The following EPB41L2 variants were observed in gnomAD, a reference collection of about 807,000 sequenced individuals.
EPB41L2 encodes erythrocyte membrane protein band 4.1 like 2, also known as band 4.1-like protein 2.
EPB41L2 carries 43 observed loss-of-function variants against 113.0 expected under a neutral mutation model. The observed-to-expected ratio is 0.38, with a 90% CI of 0.30 to 0.49. The LOEUF is 0.49. EPB41L2 is among the 20% of genes least tolerant of loss of function. The pLI, the probability that EPB41L2 is intolerant of heterozygous loss-of-function variation, is 0.95. For missense variants in EPB41L2, 1,147 were observed against 1,223.4 expected (o/e 0.94, Z 0.93); for synonymous variants, 442 against 436.7 (o/e 1.01, Z -0.15).
chr6:130,896,192 G>T (rs1325925448), intron 8 of EPB41L2, among the ~76,000 whole-genome samples: 3 of 152,200 alleles, frequency 2.0e-5, no homozygotes, highest in African/African-American at 4.8e-5. Context: ...TAAAAGTATA[G>T]TATTAGCTAA....
intron 1 of EPB41L2, among the ~76,000 whole-genome samples, chr6:131,028,208 G>T (rs1050187302): frequency 2.0e-5 from 3 of 152,256 alleles, no homozygotes; most frequent in Non-Finnish European, 4.4e-5. Context: ...TTCTGGAGTG[G>T]ACAAAATGAT....
intron 4 of EPB41L2, among the ~76,000 whole-genome samples, chr6:130,909,885 A>G (rs899425786): frequency 1.3e-5 from 2 of 152,366 alleles, no homozygotes; most frequent in East Asian, 3.9e-4. Flanking sequence ...GAGAGGACAC[A>G]AACAAATGGA....
rs141507459 is a variant in EPB41L2, at chr6:131,014,397, T to C, written c.-15+48758A>G. 6.4e-3 allele frequency among the ~76,000 whole-genome samples: 982 copies of C among 152,256 alleles called. 16 individuals carry two copies. Among genetic ancestry groups the C allele is most frequent in the African/African-American group, 0.023 (949 of 41,536 alleles). ...GAATCCCTTTGTATCCCATTTGGCT[T>C]AAAATTTCACAGACTGGTCATTTAT... On this transcript the variant is annotated intron_variant, in intron 1 of 19. Coordinates refer to ENST00000337057, the MANE Select transcript of EPB41L2 (RefSeq NM_001431.4).
At chr6:130,860,819 C>G (rs539337200) in intron 18 of EPB41L2, among the ~76,000 whole-genome samples, 128 of 152,232 alleles carry the variant, frequency 8.4e-4, no homozygotes, top group African/African-American at 2.8e-3. Context: ...CAGGCTTGAG[C>G]CACCGCGCCC....
At chr6:130,975,442 C>T (rs1026044420) in intron 1 of EPB41L2, among the ~76,000 whole-genome samples, 1 of 152,150 alleles carries the variant, frequency 6.6e-6, no homozygotes, top group African/African-American at 2.4e-5. Flanking sequence ...ATCCTACCTC[C>T]TACTTTATGA....
intron 11 of EPB41L2, among the ~76,000 whole-genome samples, chr6:130,889,162 GTAT>G (rs1393215560): frequency 2.0e-5 from 3 of 151,540 alleles, no homozygotes; most frequent in Admixed American, 6.6e-5. Flanking sequence ...TTCAAATTTA[GTAT>G]TATTATTATA....
chr6:130,988,329 A>G (rs1399557901), intron 1 of EPB41L2, among the ~76,000 whole-genome samples: 3 of 152,242 alleles, frequency 2.0e-5, no homozygotes, highest in African/African-American at 7.2e-5. Flanking sequence ...CTGAGTTTGA[A>G]GTGATGTAAC....
intron 1 of EPB41L2, among the ~76,000 whole-genome samples, chr6:131,035,481 T>C (rs1183213421): frequency 6.6e-6 from 1 of 152,196 alleles, no homozygotes; most frequent in Non-Finnish European, 1.5e-5. Context: ...CACCTTTACC[T>C]TCAAGATGCA....
At chr6:131,046,822 G>C (rs776563403) in intron 1 of EPB41L2, among the ~76,000 whole-genome samples, 4 of 152,166 alleles carry the variant, frequency 2.6e-5, no homozygotes, top group Non-Finnish European at 5.9e-5. Context: ...AATCTCATCA[G>C]TGCTTTCTAG....
At chr6:130,999,411 T>C (rs1783851068) in intron 1 of EPB41L2, among the ~76,000 whole-genome samples, 1 of 152,242 alleles carries the variant, frequency 6.6e-6, no homozygotes, top group African/African-American at 2.4e-5. Context: ...CATTATAATC[T>C]TACTTTTCTA....
chr6:130,939,196 T>C (rs9388869), intron 3 of EPB41L2, among the ~76,000 whole-genome samples: 64,546 of 151,794 alleles, frequency 0.43, 16,224 homozygotes, highest in Non-Finnish European at 0.54. Context: ...ATATAATAAA[T>C]AGTGACCCAA....
At chr6:130,886,665 G>A (rs908545827) in intron 11 of EPB41L2, among the ~76,000 whole-genome samples, 5 of 151,946 alleles carry the variant, frequency 3.3e-5, no homozygotes, top group Admixed American at 1.3e-4. Flanking sequence ...ACACAGTCTC[G>A]CTCTGTCACC....
chr6:131,048,017 T>C (rs2128192337), intron 1 of EPB41L2, among the ~76,000 whole-genome samples: 1 of 149,252 alleles, frequency 6.7e-6, no homozygotes, highest in South Asian at 2.1e-4. Flanking sequence ...CGGGTACATG[T>C]AATCCCAGCT....
chr6:130,906,074 T>C (rs147939679), intron 5 of EPB41L2, among the ~76,000 whole-genome samples: 13 of 152,326 alleles, frequency 8.5e-5, no homozygotes, highest in African/African-American at 3.1e-4. Flanking sequence ...TATAGCGCCA[T>C]GATGACTGTC....
intron 4 of EPB41L2, among the ~76,000 whole-genome samples, chr6:130,912,240 A>C (rs1799639504): frequency 6.6e-6 from 1 of 152,214 alleles, no homozygotes; most frequent in Non-Finnish European, 1.5e-5. Flanking sequence ...GGACCACTGT[A>C]TTACAACATC....
chr6:131,014,730 C>A (rs915318563), intron 1 of EPB41L2, among the ~76,000 whole-genome samples: 1 of 152,116 alleles, frequency 6.6e-6, no homozygotes, highest in African/African-American at 2.4e-5. Flanking sequence ...AAAGGAACCT[C>A]GATTCAATTA....
rs200918364 is a variant in EPB41L2 at position 130,894,994 on chromosome 6, G to A, written c.1362C>T (p.Asn454=). 5.0e-5 allele frequency: 81 copies of A among 1,613,762 alleles called. No homozygotes were observed. The highest frequency in any genetic ancestry group is 3.3e-5 in the Admixed American group (2 of 59,972). ...KILKISYKRS[N]FYIKVRPAEL... Reference sequence around the variant, plus strand: ...CTGCCGGTCTGACTTTAATGTAGAAGTTACTGCGTTTATAGGAAATTTTTA... The same window carrying A: ...CTGCCGGTCTGACTTTAATGTAGAAATTACTGCGTTTATAGGAAATTTTTA... The change falls in exon 9 of 20, where the codon AAC becomes AAT. Residue 454 remains asparagine, a synonymous_variant. Coordinates refer to ENST00000337057, the MANE Select transcript of EPB41L2 (RefSeq NM_001431.4).
intron 14 of EPB41L2, 142 bp from the exon 15 acceptor site, chr6:130,870,268 C>A: frequency 6.5e-7 from 1 of 1,543,260 alleles, no homozygotes; most frequent in East Asian, 2.4e-5. Flanking sequence ...GGAAGCGGGG[C>A]AAACGTGAGG....
In EPB41L2 at chr6:131,030,915, G is replaced by GA. The variant is rs75998999; in HGVS notation, c.-15+32239dup. Among the ~76,000 whole-genome samples the GA allele has an allele frequency of 2.8e-3, 340 of 122,820 alleles. 1 individual carries two copies. Among genetic ancestry groups the GA allele is most frequent in the Middle Eastern group, 0.013 (3 of 234 alleles). The allele number at this position is 122,820 out of a possible 152,430, so 80.6% of individuals were successfully genotyped here. ...AACATGGCAAAATCCCATCTCTACAGAAAAAAAAAAAAAAGGTACAAAAAT... is the reference window on the plus strand; with the variant it reads ...AACATGGCAAAATCCCATCTCTACAGAAAAAAAAAAAAAAAGGTACAAAAAT... On this transcript the variant is annotated intron_variant, in intron 1 of 19. Transcript: ENST00000337057.
Sources: gnomAD v4.1 joint callset for allele counts (sites outside exome capture counted in the v4.1 genomes callset) on GRCh38, gnomAD v4.1.1 for gene constraint, MANE v1.5 for transcripts, NCBI Gene and HGNC (gene_info 2026-07-23, HGNC 2026-07-21) for gene names.